Variants in ITM2B observed in about 807,000 individuals in gnomAD.
ITM2B encodes integral membrane protein 2B, also known as ABri/ADan amyloid peptide.
In ITM2B, 11 loss-of-function variants were observed where a neutral mutation model predicts 27.8. That is an observed-to-expected ratio of 0.40 (90% CI 0.25 to 0.66). ITM2B has a LOEUF of 0.66. Ranked by LOEUF, ITM2B falls within the 30% of genes least tolerant of loss-of-function variation. The pLI is 0.43. For missense variants in ITM2B, 296 were observed against 328.9 expected, an observed-to-expected ratio of 0.90 and a Z score of 0.77; for synonymous variants, 114 against 114.3, an observed-to-expected ratio of 1.00 and a Z score of 0.02.
chr13:48,256,767 T>G (rs139263067), intron 3 of ITM2B, among the ~76,000 whole-genome samples: 7 of 152,350 alleles, frequency 4.6e-5, no homozygotes, highest in African/African-American at 1.7e-4. Context: ...TCCCCAGCTT[T>G]TGAGCATTTT....
At chr13:48,244,914 T>C (rs1354031507) in intron 1 of ITM2B, among the ~76,000 whole-genome samples, 1 of 152,234 alleles carries the variant, frequency 6.6e-6, no homozygotes, top group Non-Finnish European at 1.5e-5. Flanking sequence ...ATAACATTTG[T>C]ATATAATGCT....
At chr13:48,249,944 C>G (rs1312169427) in intron 1 of ITM2B, among the ~76,000 whole-genome samples, 1 of 152,116 alleles carries the variant, frequency 6.6e-6, no homozygotes, top group East Asian at 1.9e-4. Context: ...AATTTAATCA[C>G]TCTAAAAACA....
intron 1 of ITM2B, among the ~76,000 whole-genome samples, chr13:48,247,915 A>G (rs1951732846): frequency 6.6e-6 from 1 of 152,134 alleles, no homozygotes; most frequent in Non-Finnish European, 1.5e-5. Context: ...TAGGAAGATT[A>G]ATTAGATGAT....
intron 1 of ITM2B, among the ~76,000 whole-genome samples, chr13:48,243,573 AATTCC>A (rs1294117200): frequency 6.6e-6 from 1 of 152,098 alleles, no homozygotes; most frequent in Non-Finnish European, 1.5e-5. Flanking sequence ...TCACGTCTAT[AATTCC>A]AGCACTTTGG....
In ITM2B at chr13:48,256,041, ACTGT is replaced by A. The variant is rs371360502; in HGVS notation, c.247-132_247-129del. ...AAGAATATGTTAACTCTGTAATTAA[ACTGT>A]CTGACTTGTCATCTAAAAGCAAGAG... On this transcript the variant is annotated intron_variant, in intron 2 of 5. Transcript: ENST00000647800. 913 of 695,874 alleles carry A rather than the reference ACTGT, an allele frequency of 1.3e-3. 16 individuals carry two copies. The South Asian group carries it at 0.014, about 10-fold the overall frequency. 43.1% of individuals were successfully genotyped at this position (695,874 alleles called of 1,614,324 possible).
At chr13:48,248,331 T>C (rs1951735330) in intron 1 of ITM2B, among the ~76,000 whole-genome samples, 1 of 152,058 alleles carries the variant, frequency 6.6e-6, no homozygotes, top group Non-Finnish European at 1.5e-5. Flanking sequence ...AGATAGGATC[T>C]TGCTATGTTG....
At position 48,233,367 on chromosome 13, in the gene ITM2B, A is replaced by T; in HGVS notation, c.7A>T (p.Lys3Ter). 1 of 1,558,308 alleles carries T rather than the reference A, an allele frequency of 6.4e-7. No homozygotes were observed. Among genetic ancestry groups the T allele is most frequent in the Non-Finnish European group, 8.7e-7 (1 of 1,154,262 alleles). The change falls in exon 1 of 6, where the codon AAG becomes TAG. Residue 3 changes from lysine to a stop codon, truncating the protein, a stop_gained. Coordinates refer to ENST00000647800, the MANE Select transcript of ITM2B (RefSeq NM_021999.5). LOFTEE classifies it high-confidence loss of function. MV[K>*]VTFNSALAQK... ...GGGCGCCCCAGGCCGCGCCATGGTG[A>T]AGGTGACGTTCAACTCCGCTCTGGC...
At position 48,261,129 on chromosome 13, in the gene ITM2B, T is replaced by G; in HGVS notation, c.716-10T>G. 1 of 1,603,412 alleles carries G rather than the reference T, an allele frequency of 6.2e-7. No homozygotes were observed. The highest frequency in any genetic ancestry group is 8.5e-7 in the Non-Finnish European group (1 of 1,172,268). On this transcript the variant is annotated splice_polypyrimidine_tract_variant and intron_variant, in intron 5 of 5. Coordinates refer to ENST00000647800, the MANE Select transcript of ITM2B (RefSeq NM_021999.5). Reference sequence around the variant, plus strand: ...CAAAATTTTAAAAAACTTTTTTCCCTCTCCAACAGGTATTCAGAAACGTGA... The same window carrying G: ...CAAAATTTTAAAAAACTTTTTTCCCGCTCCAACAGGTATTCAGAAACGTGA...
At chr13:48,241,105 G>T (rs1951697350) in intron 1 of ITM2B, among the ~76,000 whole-genome samples, 2 of 152,202 alleles carry the variant, frequency 1.3e-5, no homozygotes, top group Non-Finnish European at 2.9e-5. Context: ...AGCATCAGTT[G>T]GTTTCTAGAC....
intron 1 of ITM2B, among the ~76,000 whole-genome samples, chr13:48,243,564 C>G (rs1296707935): frequency 6.6e-6 from 1 of 152,028 alleles, no homozygotes; most frequent in African/African-American, 2.4e-5. Flanking sequence ...CATGGTGGCT[C>G]ACGTCTATAA....
At chr13:48,235,381 C>A (rs1228658202) in intron 1 of ITM2B, among the ~76,000 whole-genome samples, 1 of 152,140 alleles carries the variant, frequency 6.6e-6, no homozygotes, top group East Asian at 1.9e-4. Flanking sequence ...AAAAATACTA[C>A]TGGGACTAAA....
chr13:48,241,451 G>A (rs1288122309), intron 1 of ITM2B, among the ~76,000 whole-genome samples: 1 of 152,040 alleles, frequency 6.6e-6, no homozygotes, highest in Non-Finnish European at 1.5e-5. Context: ...ACCTCAAGTG[G>A]TCCACCCACC....
chr13:48,237,766 T>C (rs2137978152), intron 1 of ITM2B, among the ~76,000 whole-genome samples: 1 of 152,290 alleles, frequency 6.6e-6, no homozygotes, highest in African/African-American at 2.4e-5. Flanking sequence ...TATCATACCA[T>C]AACTTAAATG....
At position 48,263,805 on chromosome 13, in the gene ITM2B, TG is replaced by T. The variant is rs1474231263; in HGVS notation, c.*2586del. 1 of 152,090 alleles carries T rather than the reference TG, an allele frequency of 6.6e-6. No homozygotes were observed. Among genetic ancestry groups the T allele is most frequent in the Non-Finnish European group, 1.5e-5 (1 of 68,032 alleles). The allele number at this position is 152,090 out of a possible 1,614,324, so 9.4% of individuals were successfully genotyped here. A position where few individuals can be genotyped will look rare whatever the true frequency, so the allele number is the denominator to read the frequency against. ...CTTACAAGGACACTAGTTCCATTCA[TG>T]GGGGTTCCACTCTCATGACCTAACA... On this transcript the variant is annotated 3_prime_UTR_variant, in exon 6 of 6. Transcript: ENST00000647800.
At chr13:48,234,535 A>G (rs974228593) in intron 1 of ITM2B, among the ~76,000 whole-genome samples, 33 of 152,196 alleles carry the variant, frequency 2.2e-4, no homozygotes, top group African/African-American at 7.7e-4. Flanking sequence ...GCCACGTATG[A>G]ATAATGGGAG....
chr13:48,268,259 T>C lies in ITM2B; in HGVS notation c.*7035T>C, dbSNP rs2138003147. On this transcript the variant is annotated 3_prime_UTR_variant, in exon 6 of 6. Transcript: ENST00000647800. ...TTTCAGTTGCTGTGTAGTAGTCCAT[T>C]TCTTTTGGTTTTGTGTGTGTGTGTG... 6.6e-6 allele frequency: 1 copy of C among 152,198 alleles called. No individual in the cohort carries two copies. Among genetic ancestry groups the C allele is most frequent in the African/African-American group, 2.4e-5 (1 of 41,542 alleles). 9.4% of individuals were successfully genotyped at this position (152,198 alleles called of 1,614,324 possible).
chr13:48,256,692 T>C (rs937012221), intron 3 of ITM2B, among the ~76,000 whole-genome samples: 7 of 152,198 alleles, frequency 4.6e-5, no homozygotes, highest in Non-Finnish European at 7.3e-5. Context: ...TGTTCCTGTT[T>C]CTTGGTAGCA....
At chr13:48,258,089 G>GT (rs780778566) in intron 3 of ITM2B, 37 bp from the exon 4 acceptor site, 6 of 972,520 alleles carry the variant, frequency 6.2e-6, no homozygotes, top group Non-Finnish European at 5.0e-6. Flanking sequence ...GTTTTTGCAA[G>GT]TATTACTGTA....
At chr13:48,247,356 AT>A (rs1282925879) in intron 1 of ITM2B, among the ~76,000 whole-genome samples, 1 of 152,006 alleles carries the variant, frequency 6.6e-6, no homozygotes, top group Admixed American at 6.6e-5. Context: ...TTTTATGTAT[AT>A]TTTTTGATAA....
Sources: allele counts gnomAD v4.1 joint callset (sites outside exome capture counted in the v4.1 genomes callset), GRCh38; gene constraint gnomAD v4.1.1; transcripts MANE v1.5; gene names NCBI Gene and HGNC (gene_info 2026-07-23, HGNC 2026-07-21).